Variants in DRG1 observed in about 807,000 individuals in gnomAD.
The protein encoded by DRG1 is developmentally regulated GTP binding protein 1, also known as developmentally-regulated GTP-binding protein 1.
DRG1 carries 19 observed loss-of-function variants against 38.8 expected under a neutral mutation model. That is an observed-to-expected ratio of 0.49 (90% CI 0.34 to 0.72). DRG1 has a LOEUF of 0.72. Ranked by LOEUF, DRG1 falls within the 30% of genes least tolerant of loss-of-function variation. The pLI, the probability that DRG1 is intolerant of heterozygous loss-of-function variation, is 0.01. For missense variants in DRG1, 299 were observed against 444.8 expected (o/e 0.67, Z 2.95); for synonymous variants, 167 against 157.5 (o/e 1.06, Z -0.45).
intron 5 of DRG1, among the ~76,000 whole-genome samples, chr22:31,421,598 T>G (rs2050077411): frequency 1.3e-5 from 2 of 151,298 alleles, no homozygotes; most frequent in African/African-American, 2.4e-5. Context: ...GCATGGTGGC[T>G]CATGCCTGTA....
chr22:31,403,668 G>A (rs1409542594), intron 3 of DRG1, among the ~76,000 whole-genome samples: 1 of 151,864 alleles, frequency 6.6e-6, no homozygotes, highest in Non-Finnish European at 1.5e-5. Flanking sequence ...ATTTTTAGTA[G>A]AAATGGGGTT....
intron 8 of DRG1, among the ~76,000 whole-genome samples, chr22:31,429,517 T>G (rs2050128389): frequency 6.6e-6 from 1 of 152,190 alleles, no homozygotes; most frequent in African/African-American, 2.4e-5. Context: ...TCATAATTCC[T>G]ATCAGTATGA....
At position 31,433,924 on chromosome 22, in the gene DRG1, G is replaced by C; in HGVS notation, c.1057G>C (p.Asp353His). 1 of 1,614,124 alleles carries C rather than the reference G, an allele frequency of 6.2e-7. No homozygotes were observed. The highest frequency in any genetic ancestry group is 8.5e-7 in the Non-Finnish European group (1 of 1,179,972). The change falls in exon 9 of 9, where the codon GAC becomes CAC. Residue 353 changes from aspartate (D) to histidine (H), a missense_variant. By Grantham distance (81) the Asp-to-His change is moderately conservative. Transcript: ENST00000331457. Reference protein sequence around the residue: ...VKHNPQKVGKDHTLEDEDVIQ... With the variant: ...VKHNPQKVGKHHTLEDEDVIQ... ...ACACAATCCTCAGAAAGTGGGTAAA[G>C]ACCATACGTTGGAGGATGAGGATGT...
Position 31,423,294 on chromosome 22 carries a change from G to A in DRG1, c.597G>A (p.Glu199=). 6.2e-7 allele frequency: 1 copy of A among 1,613,996 alleles called. No homozygotes were observed. The highest frequency in any genetic ancestry group is 2.2e-5 in the East Asian group (1 of 44,876). ...INLTATCPQS[E]LDAETVKSIL... is the part of the protein sequence containing the mutation. ...TTCCCTTTCAGTGCCCCCAGAGTGA[G>A]CTGGATGCTGAAACTGTGAAGAGCA... The change falls in exon 6 of 9, where the codon GAG becomes GAA. Residue 199 remains glutamate, a synonymous_variant. Coordinates refer to ENST00000331457, the MANE Select transcript of DRG1 (RefSeq NM_004147.4).
At chr22:31,407,747 TC>T (rs1388570190) in intron 3 of DRG1, among the ~76,000 whole-genome samples, 2 of 150,094 alleles carry the variant, frequency 1.3e-5, no homozygotes, top group Non-Finnish European at 3.0e-5. Flanking sequence ...ACCTGCTAAA[TC>T]AGTTTTCATT....
intron 5 of DRG1, among the ~76,000 whole-genome samples, chr22:31,421,852 C>A (rs1186456388): frequency 1.3e-5 from 2 of 152,140 alleles, no homozygotes; most frequent in African/African-American, 4.8e-5. Flanking sequence ...TGCAGTGGCT[C>A]ACACCTGTAA....
At chr22:31,423,473 T>C (rs950885513) in intron 6 of DRG1, 63 bp downstream of exon 6, 18 of 1,584,422 alleles carry the variant, frequency 1.1e-5, no homozygotes, top group Middle Eastern at 1.7e-4. Context: ...GAAACAGTAT[T>C]GGATCTTGAA....
chr22:31,424,457 A>G (rs1295310531), intron 6 of DRG1, among the ~76,000 whole-genome samples: 9 of 143,012 alleles, frequency 6.3e-5, no homozygotes, highest in African/African-American at 2.1e-4. Context: ...AGCCTGTGTT[A>G]CTATCTTAAA....
Position 31,427,198 on chromosome 22 carries a change from CT to C in DRG1, c.1004+17del. 6.2e-7 allele frequency: 1 copy of C among 1,612,594 alleles called. No individual in the cohort carries two copies. Among genetic ancestry groups the C allele is most frequent in the Non-Finnish European group, 8.5e-7 (1 of 1,179,532 alleles). On this transcript the variant is annotated intron_variant, in intron 8 of 8. Transcript: ENST00000331457. ...AATTTAAATAGTAAGTATCATGGGC[CT>C]GTGGTCCCTCCTTTTTCCTATGAGT...
intron 3 of DRG1, among the ~76,000 whole-genome samples, chr22:31,404,169 C>T (rs2049977556): frequency 6.6e-6 from 1 of 151,566 alleles, no homozygotes; most frequent in Non-Finnish European, 1.5e-5. Flanking sequence ...CCTTTGTCCT[C>T]TGCCTCTGTT....
At chr22:31,428,142 A>G (rs2050120879) in intron 8 of DRG1, among the ~76,000 whole-genome samples, 1 of 151,930 alleles carries the variant, frequency 6.6e-6, no homozygotes, top group African/African-American at 2.4e-5. Context: ...GTGAGCCACT[A>G]TGCCCAGCAT....
At chr22:31,426,930 A>T (rs762969802) in intron 7 of DRG1, 130 bp from the exon 8 acceptor site, 87 of 1,498,332 alleles carry the variant, frequency 5.8e-5, no homozygotes, top group Non-Finnish European at 7.5e-5. Context: ...ATTAGGTCAT[A>T]TTGAGGACAC....
chr22:31,433,584 T>C (rs2050154113), intron 8 of DRG1, among the ~76,000 whole-genome samples: 1 of 152,208 alleles, frequency 6.6e-6, no homozygotes, highest in South Asian at 2.1e-4. Context: ...AGTATTTCTC[T>C]ATAACAAATC....
intron 5 of DRG1, among the ~76,000 whole-genome samples, chr22:31,422,293 G>A (rs538618699): frequency 2.6e-5 from 4 of 151,730 alleles, no homozygotes; most frequent in African/African-American, 7.3e-5. Flanking sequence ...TTAGCCAGGC[G>A]TGGTGGCACG....
chr22:31,426,242 GTATAGTACA>G (rs1047628582), intron 6 of DRG1, among the ~76,000 whole-genome samples: 1 of 152,044 alleles, frequency 6.6e-6, no homozygotes, highest in African/African-American at 2.4e-5. Flanking sequence ...ATATAAAATG[GTATAGTACA>G]GCTGACCCTC....
chr22:31,429,739 T>C (rs1431396089), intron 8 of DRG1, among the ~76,000 whole-genome samples: 1 of 151,508 alleles, frequency 6.6e-6, no homozygotes, highest in Non-Finnish European at 1.5e-5. Context: ...CTTGATCTCA[T>C]GGGCTCAAGC....
chr22:31,403,698 G>A (rs1257350632), intron 3 of DRG1, among the ~76,000 whole-genome samples: 1 of 151,940 alleles, frequency 6.6e-6, no homozygotes, highest in African/African-American at 2.4e-5. Context: ...TGGTCAGGCT[G>A]GTCTCGAACT....
chr22:31,411,359 A>G (rs553421321), intron 4 of DRG1, among the ~76,000 whole-genome samples: 3 of 151,858 alleles, frequency 2.0e-5, no homozygotes, highest in South Asian at 2.1e-4. Flanking sequence ...GTATTGGACA[A>G]TGCAGCTTTA....
intron 8 of DRG1, among the ~76,000 whole-genome samples, chr22:31,430,069 G>A (rs927678146): frequency 6.6e-6 from 1 of 152,052 alleles, no homozygotes; most frequent in Non-Finnish European, 1.5e-5. Flanking sequence ...CTTACTTTTT[G>A]ATAGTGTTAA....
Sources: gnomAD v4.1 joint callset for allele counts (sites outside exome capture counted in the v4.1 genomes callset) on GRCh38, gnomAD v4.1.1 for gene constraint, MANE v1.5 for transcripts, NCBI Gene and HGNC (gene_info 2026-07-23, HGNC 2026-07-21) for gene names.